Variants in VPS16 observed in about 807,000 individuals in gnomAD.
VPS16 encodes the protein vacuolar protein sorting-associated protein 16 homolog.
A neutral mutation model predicts 116.0 loss-of-function variants in VPS16; 82 were observed. The ratio of observed to expected loss-of-function variants is 0.71; its 90% CI spans 0.59 to 0.85. The LOEUF (loss-of-function observed/expected upper bound fraction) is 0.85. Among genes scored for constraint, VPS16 ranks in the 40% least tolerant of loss-of-function variants. VPS16 has a pLI of 0.00. For missense variants in VPS16, 928 were observed against 1,090.6 expected (o/e 0.85, Z 2.10); for synonymous variants, 406 against 420.7 (o/e 0.96, Z 0.43).
In VPS16 at chr20:2,866,210, A is replaced by G. The variant is rs1369267403; in HGVS notation, c.2272-2A>G. On this transcript the variant is annotated splice_acceptor_variant, in intron 22 of 23. Coordinates refer to ENST00000380445, the MANE Select transcript of VPS16 (RefSeq NM_022575.4). LOFTEE classifies it high-confidence loss of function. ...CCCTCCACCCGCTTCCTCTCCTCCA[A>G]GCCTTTTGTGGAGATCTGCATGAAA... is the stretch of plus-strand genomic sequence containing the variant. 4 of 1,613,942 alleles carry G rather than the reference A, an allele frequency of 2.5e-6. No homozygotes were observed. Among genetic ancestry groups the G allele is most frequent in the African/African-American group, 2.7e-5 (2 of 74,890 alleles).
Position 2,860,817 on chromosome 20 carries a change from T to G in VPS16, c.584T>G (p.Val195Gly). Residue 195 changes from valine (V) to glycine (G), a missense_variant, in exon 6 of 24, where the codon GTG (valine) becomes GGG (glycine). Val to Gly is a moderately radical substitution (Grantham distance 109). Coordinates refer to ENST00000380445, the MANE Select transcript of VPS16 (RefSeq NM_022575.4). This position sits in a 1 kb window ranked among gnomAD's most constrained non-coding sequence, Gnocchi z 6.1. ...CGAGTGGCACACATTCTTCTGGCTG[T>G]GGGGCCTGACCTTTACCTCTTGGAC... ...QDRVAHILLA[V>G]GPDLYLLDHA... 1 of 1,614,118 alleles carries G rather than the reference T, an allele frequency of 6.2e-7. No individual in the cohort carries two copies. The highest frequency in any genetic ancestry group is 8.5e-7 in the Non-Finnish European group (1 of 1,180,020).
chr20:2,859,924 A>G, intron 2 of VPS16, 117 bp downstream of exon 2: 1 of 1,482,238 alleles, frequency 6.7e-7, no homozygotes, highest in South Asian at 1.2e-5. Flanking sequence ...CACCCTGCTG[A>G]GATGCTTTTA....
intron 1 of VPS16, among the ~76,000 whole-genome samples, chr20:2,854,530 A>C (rs998457222): frequency 6.6e-6 from 1 of 152,080 alleles, no homozygotes; most frequent in African/African-American, 2.4e-5. Context: ...GTGGTGGCTC[A>C]CATCTGTAAT....
intron 11 of VPS16, 163 bp from the exon 12 acceptor site, chr20:2,862,416 C>G: frequency 7.2e-7 from 1 of 1,384,802 alleles, no homozygotes; most frequent in Non-Finnish European, 9.6e-7. Context: ...GAGATGATGT[C>G]TGTGGGCACC....
intron 1 of VPS16, among the ~76,000 whole-genome samples, chr20:2,847,377 T>A (rs1478570724): frequency 6.6e-6 from 1 of 152,180 alleles, no homozygotes; most frequent in Non-Finnish European, 1.5e-5. Flanking sequence ...TCTACTCAAG[T>A]GATTTTATCC....
chr20:2,861,584 T>G, intron 8 of VPS16, 31 bp from the exon 9 acceptor site: 1 of 1,586,030 alleles, frequency 6.3e-7, no homozygotes, highest in Non-Finnish European at 8.6e-7. Context: ...CATGGGACAG[T>G]GTCTAGCCAG....
rs749464765 is a variant in VPS16, at chr20:2,864,853, A to C, written c.1927-125A>C. 2.6e-4 allele frequency: 346 copies of C among 1,312,480 alleles called. 1 individual carries two copies. The highest frequency in any genetic ancestry group is 3.6e-4 in the Non-Finnish European group (334 of 926,132). 81.3% of individuals were successfully genotyped at this position (1,312,480 alleles called of 1,614,324 possible). ...TCCCTCTAGGACATCAGAGTGGTGCACCTAGCAGGCAAGGCTGACCCTGGC... is the reference window on the plus strand; with the variant it reads ...TCCCTCTAGGACATCAGAGTGGTGCCCCTAGCAGGCAAGGCTGACCCTGGC... On this transcript the variant is annotated intron_variant, in intron 19 of 23. Coordinates refer to ENST00000380445, the MANE Select transcript of VPS16 (RefSeq NM_022575.4). This position sits in a 1 kb window ranked among gnomAD's most constrained non-coding sequence, Gnocchi z 5.2.
rs1300381433 is a variant in VPS16 at position 2,863,802 on chromosome 20, AAGAG to A, written c.1477-141_1477-138del. On this transcript the variant is annotated intron_variant, in intron 15 of 23. Transcript: ENST00000380445. This position sits in a 1 kb window ranked among gnomAD's most constrained non-coding sequence, Gnocchi z 4.4. ...AGTGGCGGGGGCGGAGGAGGAGGGA[AAGAG>A]AGAGAAAGAAGAAAGAGAGAAAGAA... 7 of 1,156,650 alleles carry A rather than the reference AAGAG, an allele frequency of 6.1e-6. No individual in the cohort carries two copies. The highest frequency in any genetic ancestry group is 3.6e-5 in the African/African-American group (2 of 55,886). 71.6% of individuals were successfully genotyped at this position (1,156,650 alleles called of 1,614,324 possible). A position where few individuals can be genotyped will look rare whatever the true frequency, so the allele number is the denominator to read the frequency against.
At chr20:2,861,767 C>T (rs1390818061) in intron 9 of VPS16, 38 bp from the exon 10 acceptor site, 2 of 1,612,312 alleles carry the variant, frequency 1.2e-6, no homozygotes, top group Non-Finnish European at 1.7e-6. Context: ...TGCCCCGTCC[C>T]ATCTGTAGGT....
chr20:2,856,228 C>T (rs2089170659), intron 1 of VPS16, among the ~76,000 whole-genome samples: 1 of 152,130 alleles, frequency 6.6e-6, no homozygotes, highest in Admixed American at 6.5e-5. Flanking sequence ...CGGGGAACGG[C>T]TCGTTGGTGG....
At chr20:2,844,119 A>G (rs941270072) in intron 1 of VPS16, among the ~76,000 whole-genome samples, 10 of 152,204 alleles carry the variant, frequency 6.6e-5, no homozygotes, top group African/African-American at 2.4e-4. Context: ...GACCTCTGTT[A>G]AAAAATAGGG....
In VPS16 at chr20:2,864,976, A is replaced by G. The variant is rs1239523066; in HGVS notation, c.1927-2A>G. 1 of 1,614,048 alleles carries G rather than the reference A, an allele frequency of 6.2e-7. No individual in the cohort carries two copies. The highest frequency in any genetic ancestry group is 1.1e-5 in the South Asian group (1 of 91,082). The stretch of plus-strand genomic sequence containing the variant: ...TTCAGGCCTTCCTTCTTGTCTTTAT[A>G]GCGTATTGAGGGGCGAGTAGCAGCT... On this transcript the variant is annotated splice_acceptor_variant, in intron 19 of 23. Transcript: ENST00000380445. LOFTEE classifies it high-confidence loss of function. The surrounding 1 kb of genome is among the most constrained non-coding windows in gnomAD (Gnocchi z 5.2).
intron 1 of VPS16, among the ~76,000 whole-genome samples, chr20:2,858,213 GC>G (rs979515177): frequency 1.3e-4 from 20 of 151,828 alleles, no homozygotes; most frequent in Admixed American, 6.6e-5. Context: ...TCCTGCCTCA[GC>G]CCCCCAAGTA....
rs1028033956 is a variant in VPS16 at position 2,849,485 on chromosome 20, A to G, written c.53+8658A>G. ...CCAGCTAATTTTGTATTTTTAGTAA[A>G]GACAGGTTTCTCCATGTTGGCCAGG... On this transcript the variant is annotated intron_variant, in intron 1 of 23. Coordinates refer to ENST00000380445, the MANE Select transcript of VPS16 (RefSeq NM_022575.4). 3.3e-5 allele frequency among the ~76,000 whole-genome samples: 5 copies of G among 152,052 alleles called. No homozygotes were observed. The East Asian group carries it at 9.7e-4, about 29-fold the overall frequency.
chr20:2,849,008 A>G (rs2089089324), intron 1 of VPS16, among the ~76,000 whole-genome samples: 1 of 152,144 alleles, frequency 6.6e-6, no homozygotes, highest in Admixed American at 6.5e-5. Flanking sequence ...AGCTACCCCA[A>G]GTTAGGTTAG....
rs756104304 is a variant in VPS16 at position 2,865,274 on chromosome 20, C to T, written c.2131C>T (p.Arg711Cys). Residue 711 changes from arginine to cysteine, a missense_variant, in exon 21 of 24, where the codon CGT becomes TGT. By Grantham distance (180) the Arg-to-Cys change is radical. Transcript: ENST00000380445. This position sits in a 1 kb window ranked among gnomAD's most constrained non-coding sequence, Gnocchi z 5.2. ...TTLILGGHNK[R>C]AEQLARDFRI... The stretch of plus-strand genomic sequence containing the variant: ...CCTCATTCTTGGCGGTCACAACAAG[C>T]GTGCAGAGCAGCTGGCACGTGACTT... 2.6e-5 allele frequency: 42 copies of T among 1,614,074 alleles called. No individual in the cohort carries two copies. Among genetic ancestry groups the T allele is most frequent in the Non-Finnish European group, 3.4e-5 (40 of 1,180,050 alleles).
At chr20:2,859,927 T>G (rs991656281) in intron 2 of VPS16, 120 bp downstream of exon 2, 5 of 1,485,512 alleles carry the variant, frequency 3.4e-6, no homozygotes. Context: ...CCTGCTGAGA[T>G]GCTTTTACTT....
intron 1 of VPS16, among the ~76,000 whole-genome samples, chr20:2,843,928 T>C (rs2089033681): frequency 6.6e-6 from 1 of 152,226 alleles, no homozygotes; most frequent in Admixed American, 6.5e-5. Flanking sequence ...GCCTTTCTTA[T>C]GTACTAAACA....
intron 1 of VPS16, among the ~76,000 whole-genome samples, chr20:2,858,459 G>C (rs969373435): frequency 2.0e-5 from 3 of 151,892 alleles, no homozygotes; most frequent in African/African-American, 7.3e-5. Context: ...AAACAACTCT[G>C]CTCCTTCATC....
Sources: gnomAD v4.1 joint callset for allele counts (sites outside exome capture counted in the v4.1 genomes callset) on GRCh38, gnomAD v4.1.1 for gene constraint, Gnocchi (gnomAD v3.1) non-coding constraint, MANE v1.5 for transcripts, NCBI Gene and HGNC (gene_info 2026-07-23, HGNC 2026-07-21) for gene names.